Variants in MYO3A observed in about 807,000 individuals in gnomAD.
MYO3A encodes the protein myosin-IIIa.
Under a neutral mutation model 192.7 loss-of-function variants are expected in MYO3A, and 180 were observed. The ratio of observed to expected loss-of-function variants is 0.93; its 90% CI spans 0.83 to 1.06. The LOEUF (loss-of-function observed/expected upper bound fraction) is 1.06, where lower values mean the gene tolerates loss of function less well. Among genes scored for constraint, MYO3A ranks in the 50% least tolerant of loss-of-function variants. MYO3A has a pLI of 0.00. For missense variants in MYO3A, 1,896 were observed against 1,905.0 expected (o/e 1.00, Z 0.09); for synonymous variants, 628 against 645.3 (o/e 0.97, Z 0.41).
intron 14 of MYO3A, among the ~76,000 whole-genome samples, chr10:26,073,126 A>G (rs2131404315): frequency 6.6e-6 from 1 of 152,264 alleles, no homozygotes; most frequent in South Asian, 2.1e-4. Context: ...TGGGAAGCTG[A>G]AGTGGAAGGA....
Position 26,154,762 on chromosome 10 carries a change from C to G in MYO3A, c.2732C>G (p.Ala911Gly), listed in dbSNP as rs140789531. Residue 911 changes from alanine (A) to glycine (G), a missense_variant, in exon 25 of 35, where the codon GCC (alanine) becomes GGC (glycine). Physicochemically the swap from Ala to Gly is moderately conservative, Grantham distance 60. Coordinates refer to ENST00000642920, the MANE Select transcript of MYO3A (RefSeq NM_017433.5). ...TCTCCTTAGGGCGACACTGGAGAAGCCACACGTCATGCCAGAGAGACAACC... is the reference window on the plus strand; with the variant it reads ...TCTCCTTAGGGCGACACTGGAGAAGGCACACGTCATGCCAGAGAGACAACC... ...INLAKGDTGE[A>G]TRHARETTNM... 6.2e-7 allele frequency: 1 copy of G among 1,613,650 alleles called. No homozygotes were observed. Among genetic ancestry groups the G allele is most frequent in the African/African-American group, 1.3e-5 (1 of 74,894 alleles).
intron 17 of MYO3A, among the ~76,000 whole-genome samples, chr10:26,102,868 A>G (rs1416414814): frequency 1.3e-5 from 2 of 152,214 alleles, no homozygotes; most frequent in Non-Finnish European, 2.9e-5. Flanking sequence ...TTGAGGAGGC[A>G]GTCTATCCAT....
chr10:26,195,663 A>G (rs1383011127), intron 32 of MYO3A, among the ~76,000 whole-genome samples: 4 of 152,174 alleles, frequency 2.6e-5, no homozygotes, highest in Non-Finnish European at 5.9e-5. Flanking sequence ...CAAATTGTCC[A>G]CGAACATTTG....
chr10:26,005,439 G>A (rs1841128083), intron 6 of MYO3A, among the ~76,000 whole-genome samples: 1 of 150,630 alleles, frequency 6.6e-6, no homozygotes. Flanking sequence ...TGTTTTAAAG[G>A]ACATATTTAG....
At chr10:25,965,465 G>T (rs1838200115) in intron 4 of MYO3A, among the ~76,000 whole-genome samples, 1 of 152,046 alleles carries the variant, frequency 6.6e-6, no homozygotes, top group Non-Finnish European at 1.5e-5. Flanking sequence ...GGGGAAGGGA[G>T]GGGTTTCTTT....
chr10:26,132,692 C>T (rs773555034), intron 20 of MYO3A, among the ~76,000 whole-genome samples: 29 of 151,172 alleles, frequency 1.9e-4, no homozygotes, highest in Admixed American at 5.3e-4. Context: ...TGAGCTATTA[C>T]TATTTATTTC....
At chr10:25,946,672 G>A (rs975899847) in intron 2 of MYO3A, among the ~76,000 whole-genome samples, 37 of 151,760 alleles carry the variant, frequency 2.4e-4, no homozygotes, top group African/African-American at 8.9e-4. Context: ...GAGGTCAGGA[G>A]ATCAAGACCA....
intron 15 of MYO3A, among the ~76,000 whole-genome samples, chr10:26,089,600 C>CA (rs397845390): frequency 0.04 from 5,309 of 131,542 alleles, 281 homozygotes; most frequent in African/African-American, 0.13. Context: ...GACTCCATCT[C>CA]AAAAAAAAAA....
Position 26,043,149 on chromosome 10 carries a change from G to GTCTCTCTCTCTCTC in MYO3A, c.953+16641_953+16654dup, listed in dbSNP as rs59621862. On this transcript the variant is annotated intron_variant, in intron 10 of 34. Transcript: ENST00000642920. Reference sequence around the variant, plus strand: ...CTTCCTGTACTTTCTGCCAAACAGAGTCTCTCTCTCTCTCTCTCTCTCTCT... The same window carrying GTCTCTCTCTCTCTC: ...CTTCCTGTACTTTCTGCCAAACAGAGTCTCTCTCTCTCTCTCTCTCTCTCTCTCTCTCTCTCTCT... Among the ~76,000 whole-genome samples, 269 of 143,374 alleles carry GTCTCTCTCTCTCTC rather than the reference G, an allele frequency of 1.9e-3. 4 individuals carry two copies. The highest frequency in any genetic ancestry group is 7.2e-3 in the Middle Eastern group (2 of 278). The allele number at this position is 143,374 out of a possible 152,430, so 94.1% of individuals were successfully genotyped here. A position where few individuals can be genotyped will look rare whatever the true frequency, so the allele number is the denominator to read the frequency against.
intron 20 of MYO3A, among the ~76,000 whole-genome samples, chr10:26,129,365 T>C (rs1354246865): frequency 1.3e-5 from 2 of 152,194 alleles, no homozygotes; most frequent in Non-Finnish European, 2.9e-5. Flanking sequence ...GTTCAGCTCT[T>C]TTTCATCTAT....
rs553930590 is a variant in MYO3A at position 26,081,795 on chromosome 10, A to G, written c.1360-6408A>G. 1.8e-4 allele frequency among the ~76,000 whole-genome samples: 27 copies of G among 152,248 alleles called. No homozygotes were observed. The East Asian group carries it at 4.1e-3, about 23-fold the overall frequency. On this transcript the variant is annotated intron_variant, in intron 14 of 34. Coordinates refer to ENST00000642920, the MANE Select transcript of MYO3A (RefSeq NM_017433.5). ...TCTCCAAATGGATTCAGTTCCGTGT[A>G]AAGCCAGAAACTTCTCCCACAAACA...
intron 31 of MYO3A, among the ~76,000 whole-genome samples, chr10:26,183,574 C>G (rs1842720460): frequency 6.6e-6 from 1 of 151,990 alleles, no homozygotes; most frequent in Admixed American, 6.6e-5. Flanking sequence ...AAGTCGTTTT[C>G]AAGGATCTGG....
At chr10:26,177,864 A>G (rs1842409644) in intron 31 of MYO3A, among the ~76,000 whole-genome samples, 1 of 152,206 alleles carries the variant, frequency 6.6e-6, no homozygotes, top group African/African-American at 2.4e-5. Context: ...GCACTTGGCT[A>G]TTTGCCTGAT....
chr10:25,983,267 T>C (rs1192290643), intron 4 of MYO3A, among the ~76,000 whole-genome samples: 2 of 151,702 alleles, frequency 1.3e-5, no homozygotes, highest in African/African-American at 4.8e-5. Context: ...TTTTGTTTTT[T>C]TTTTTTGAGA....
intron 4 of MYO3A, among the ~76,000 whole-genome samples, chr10:25,996,011 C>T (rs1231927293): frequency 6.6e-6 from 1 of 152,236 alleles, no homozygotes; most frequent in Non-Finnish European, 1.5e-5. Context: ...GCTGGGAGGA[C>T]CACTACTCTC....
intron 17 of MYO3A, among the ~76,000 whole-genome samples, chr10:26,102,244 C>A (rs1182672483): frequency 1.3e-5 from 2 of 152,170 alleles, no homozygotes; most frequent in African/African-American, 4.8e-5. Flanking sequence ...GTTTTCAGCT[C>A]CATCAGATCG....
intron 31 of MYO3A, among the ~76,000 whole-genome samples, chr10:26,184,062 G>A (rs1842750341): frequency 6.6e-6 from 1 of 152,188 alleles, no homozygotes; most frequent in South Asian, 2.1e-4. Context: ...TTAATAAAAA[G>A]AGAGAGAGAA....
At chr10:26,167,313 C>T (rs1382324440) in intron 27 of MYO3A, among the ~76,000 whole-genome samples, 1 of 151,858 alleles carries the variant, frequency 6.6e-6, no homozygotes, top group East Asian at 1.9e-4. Flanking sequence ...AAAAAAGCCA[C>T]CTTAAACTGA....
chr10:26,196,428 T>C (rs1843409658), intron 32 of MYO3A, among the ~76,000 whole-genome samples: 1 of 152,250 alleles, frequency 6.6e-6, no homozygotes, highest in African/African-American at 2.4e-5. Context: ...ATTGCACTAT[T>C]ATTTTTAAGT....
Sources: allele counts gnomAD v4.1 joint callset (sites outside exome capture counted in the v4.1 genomes callset), GRCh38; gene constraint gnomAD v4.1.1; transcripts MANE v1.5; gene names NCBI Gene and HGNC (gene_info 2026-07-23, HGNC 2026-07-21).